Variants in RBFOX2 observed in about 807,000 individuals in gnomAD.
The protein encoded by RBFOX2 is RNA binding fox-1 homolog 2, also known as RNA binding protein fox-1 homolog 2.
Under a neutral mutation model 49.1 loss-of-function variants are expected in RBFOX2, and 10 were observed. The ratio of observed to expected loss-of-function variants is 0.20; its 90% CI spans 0.13 to 0.35. RBFOX2 has a LOEUF of 0.35. RBFOX2 is among the 10% of genes least tolerant of loss of function. The pLI is 1.00. For synonymous variants in RBFOX2, 183 were observed against 187.4 expected (o/e 0.98, Z 0.19); for missense variants, 323 against 486.9 (o/e 0.66, Z 3.17).
upstream of RBFOX2, among the ~76,000 whole-genome samples, chr22:35,841,918 C>T (rs1012431913): frequency 2.6e-5 from 4 of 152,114 alleles, no homozygotes; most frequent in African/African-American, 4.8e-5. Flanking sequence ...ATTGGCCAGG[C>T]GCAGTGTCTC....
upstream of RBFOX2, among the ~76,000 whole-genome samples, chr22:35,962,612 A>G (rs569045306): frequency 3.6e-4 from 55 of 152,316 alleles, no homozygotes; most frequent in African/African-American, 1.2e-3. Flanking sequence ...TAACTTCTTG[A>G]ACCACAGGCA....
At chr22:35,982,490 T>C (rs1191003602) in intron 1 of RBFOX2, among the ~76,000 whole-genome samples, 5 of 151,998 alleles carry the variant, frequency 3.3e-5, no homozygotes, top group Non-Finnish European at 7.4e-5. Context: ...TCTCTCTCTC[T>C]CTGCCTCCCT....
At chr22:36,018,246 A>AT (rs2059116536) in intron 1 of RBFOX2, among the ~76,000 whole-genome samples, 1 of 152,132 alleles carries the variant, frequency 6.6e-6, no homozygotes, top group Non-Finnish European at 1.5e-5. Flanking sequence ...CCTTTAACAG[A>AT]GCTATAGACA....
At chr22:35,889,444 T>C (rs915179495) in intron 1 of RBFOX2, among the ~76,000 whole-genome samples, 1 of 152,126 alleles carries the variant, frequency 6.6e-6, no homozygotes, top group Admixed American at 6.5e-5. Flanking sequence ...CTGGTCCTCT[T>C]CTAAATTATA....
rs755294881 is a variant in RBFOX2, at chr22:35,809,905, C to G, written c.127G>C (p.Gly43Arg). The G allele has an allele frequency of 3.7e-6, 6 of 1,614,044 alleles. No homozygotes were observed. In the South Asian group the frequency reaches 5.5e-5, roughly 15 times the overall value. ...GCATAGTCTTGAGTGTGTGGCACCC[C>G]ATACTCTGTGGGAATTCCATTCTGC... is the stretch of plus-strand genomic sequence containing the variant. Residue 43 changes from glycine to arginine, a missense_variant, in exon 2 of 12, where the codon GGG (glycine) becomes CGG (arginine). Gly to Arg is a moderately radical substitution (Grantham distance 125). Coordinates refer to ENST00000405409, the Ensembl canonical transcript of RBFOX2.
chr22:35,971,225 CCTTT>C (rs1415537069), intron 1 of RBFOX2, among the ~76,000 whole-genome samples: 9 of 152,270 alleles, frequency 5.9e-5, no homozygotes, highest in East Asian at 5.8e-4. Flanking sequence ...CTTCCTACTT[CCTTT>C]AAGTTTAAAG....
intron 1 of RBFOX2, among the ~76,000 whole-genome samples, chr22:35,850,661 G>A (rs1284740268): frequency 6.6e-6 from 1 of 152,096 alleles, no homozygotes; most frequent in African/African-American, 2.4e-5. Context: ...ATACACATGT[G>A]CACACATATT....
chr22:36,021,285 C>T (rs2059237776), intron 1 of RBFOX2, among the ~76,000 whole-genome samples: 1 of 151,662 alleles, frequency 6.6e-6, no homozygotes, highest in Non-Finnish European at 1.5e-5. Flanking sequence ...TTAGGAAATA[C>T]ACCTGATGTA....
At chr22:35,811,960 G>GAA (rs778461703) in intron 1 of RBFOX2, among the ~76,000 whole-genome samples, 20 of 110,718 alleles carry the variant, frequency 1.8e-4, no homozygotes, top group Non-Finnish European at 2.2e-4. Context: ...TCTCTTAAGG[G>GAA]AAAAAAAAAA....
upstream of RBFOX2, among the ~76,000 whole-genome samples, chr22:35,962,246 A>G (rs1480263478): frequency 6.6e-6 from 1 of 152,154 alleles, no homozygotes; most frequent in Non-Finnish European, 1.5e-5. Flanking sequence ...ATAAATGGGG[A>G]GGAGAATTAG....
At chr22:36,019,232 T>C (rs1011436260) in intron 1 of RBFOX2, among the ~76,000 whole-genome samples, 19 of 152,252 alleles carry the variant, frequency 1.2e-4, no homozygotes, top group African/African-American at 4.6e-4. Flanking sequence ...GCAGCAGTCC[T>C]TTCACTCCTT....
intron 1 of RBFOX2, among the ~76,000 whole-genome samples, chr22:35,871,836 CT>C (rs1200444596): frequency 6.6e-6 from 1 of 152,124 alleles, no homozygotes; most frequent in African/African-American, 2.4e-5. Context: ...TGTTTAACCC[CT>C]GGTACATGGG....
At chr22:35,889,887 T>TCA (rs2047041804) in intron 1 of RBFOX2, among the ~76,000 whole-genome samples, 2 of 152,188 alleles carry the variant, frequency 1.3e-5, no homozygotes, top group Non-Finnish European at 2.9e-5. Flanking sequence ...TATTTTTGCC[T>TCA]CACACAAAAG....
At chr22:35,906,213 G>A (rs1368117546) in intron 1 of RBFOX2, among the ~76,000 whole-genome samples, 1 of 152,254 alleles carries the variant, frequency 6.6e-6, no homozygotes, top group East Asian at 1.9e-4. Context: ...AAGATCAAAG[G>A]AGGAATTATA....
intron 1 of RBFOX2, among the ~76,000 whole-genome samples, chr22:35,977,373 A>G (rs1215630061): frequency 1.3e-5 from 2 of 152,174 alleles, no homozygotes; most frequent in East Asian, 1.9e-4. Flanking sequence ...TCAACAGCAA[A>G]AAAGGAATGC....
intron 1 of RBFOX2, among the ~76,000 whole-genome samples, chr22:35,924,257 T>C (rs574266588): frequency 1.5e-3 from 232 of 152,190 alleles, no homozygotes; most frequent in Admixed American, 3.2e-3. Context: ...GTACCAATAA[T>C]AGAATACCAG....
chr22:35,936,227 CCAA>C (rs1474108365), intron 1 of RBFOX2, among the ~76,000 whole-genome samples: 7 of 142,384 alleles, frequency 4.9e-5, no homozygotes, highest in African/African-American at 1.3e-4. Context: ...CCAAACCAAA[CCAA>C]CAACAACAAA....
At chr22:35,872,131 C>A (rs564443738) in intron 1 of RBFOX2, among the ~76,000 whole-genome samples, 5 of 152,288 alleles carry the variant, frequency 3.3e-5, no homozygotes, top group Admixed American at 2.0e-4. Context: ...AATGGCCTGT[C>A]CATTACTGGG....
At chr22:35,848,564 GGCC>G (rs1383465804) in intron 1 of RBFOX2, among the ~76,000 whole-genome samples, 1 of 151,992 alleles carries the variant, frequency 6.6e-6, no homozygotes, top group African/African-American at 2.4e-5. Flanking sequence ...AAATAGCTTG[GGCC>G]TTTAGGCCCA....
Sources: allele counts gnomAD v4.1 joint callset (sites outside exome capture counted in the v4.1 genomes callset), GRCh38; gene constraint gnomAD v4.1.1; transcripts MANE v1.5; gene names NCBI Gene and HGNC (gene_info 2026-07-23, HGNC 2026-07-21).